Variants in CDH12 observed in about 807,000 individuals in gnomAD.
CDH12 encodes cadherin-12.
In CDH12, 41 loss-of-function variants were observed where a neutral mutation model predicts 74.1. The observed-to-expected ratio is 0.55, with a 90% CI of 0.43 to 0.72. CDH12 has a LOEUF of 0.72. CDH12 is among the 30% of genes least tolerant of loss of function. The pLI, the probability that CDH12 is intolerant of heterozygous loss-of-function variation, is 0.00. For synonymous variants in CDH12, 399 were observed against 355.0 expected, an observed-to-expected ratio of 1.12 and a Z score of -1.39; for missense variants, 945 against 977.2, an observed-to-expected ratio of 0.97 and a Z score of 0.44.
chr5:21,974,884 A>G (rs1261973024), intron 6 of CDH12, among the ~76,000 whole-genome samples: 1 of 152,218 alleles, frequency 6.6e-6, no homozygotes, highest in Non-Finnish European at 1.5e-5. Context: ...GGAAAACAGG[A>G]ACTAATGTTA....
chr5:22,771,835 G>A (rs1420766016), intron 1 of CDH12, among the ~76,000 whole-genome samples: 1 of 152,046 alleles, frequency 6.6e-6, no homozygotes, highest in East Asian at 1.9e-4. Context: ...CTGCCTGCTG[G>A]ACTACTCTGT....
intron 1 of CDH12, among the ~76,000 whole-genome samples, chr5:22,595,017 A>G (rs1284182061): frequency 2.6e-5 from 4 of 152,192 alleles, no homozygotes; most frequent in South Asian, 2.1e-4. Context: ...TCTTTTACAC[A>G]AACAGCTTTG....
intron 3 of CDH12, among the ~76,000 whole-genome samples, chr5:22,346,554 A>G (rs1298933961): frequency 6.6e-6 from 1 of 152,240 alleles, no homozygotes; most frequent in Admixed American, 6.5e-5. Context: ...ATTATATAAT[A>G]GATTCTAGGT....
intron 1 of CDH12, among the ~76,000 whole-genome samples, chr5:22,849,438 T>C (rs1411707436): frequency 6.6e-6 from 1 of 152,134 alleles, no homozygotes; most frequent in Non-Finnish European, 1.5e-5. Context: ...TATGGTGTAC[T>C]AAAGGTATAT....
chr5:22,502,125 C>A (rs1736183512), intron 2 of CDH12, among the ~76,000 whole-genome samples: 1 of 151,932 alleles, frequency 6.6e-6, no homozygotes, highest in African/African-American at 2.4e-5. Context: ...GGCTTGTGTC[C>A]CCATCCAAAT....
intron 11 of CDH12, among the ~76,000 whole-genome samples, chr5:21,772,134 A>T (rs1336350046): frequency 6.6e-6 from 1 of 152,154 alleles, no homozygotes; most frequent in Non-Finnish European, 1.5e-5. Context: ...TGGGCTTAGA[A>T]TTTTATTTTT....
chr5:22,651,877 C>G (rs1305526525), intron 1 of CDH12, among the ~76,000 whole-genome samples: 1 of 151,882 alleles, frequency 6.6e-6, no homozygotes, highest in Non-Finnish European at 1.5e-5. Context: ...TATAAAGGAG[C>G]AAATCTTTTC....
chr5:22,459,581 A>G (rs1330513209), intron 2 of CDH12, among the ~76,000 whole-genome samples: 2 of 152,226 alleles, frequency 1.3e-5, no homozygotes, highest in Non-Finnish European at 2.9e-5. Flanking sequence ...ATAGAAACAC[A>G]CTGACTTTGC....
chr5:22,323,605 T>TA (rs1182776990), intron 3 of CDH12, among the ~76,000 whole-genome samples: 1 of 152,186 alleles, frequency 6.6e-6, no homozygotes, highest in African/African-American at 2.4e-5. Context: ...TGGGCTTCTA[T>TA]ATGAAGAATC....
At chr5:22,339,724 T>C (rs935949802) in intron 3 of CDH12, among the ~76,000 whole-genome samples, 2 of 152,176 alleles carry the variant, frequency 1.3e-5, no homozygotes, top group Non-Finnish European at 2.9e-5. Flanking sequence ...CTGATTTTAA[T>C]GAACAATATT....
intron 2 of CDH12, among the ~76,000 whole-genome samples, chr5:22,452,539 T>A (rs1412921932): frequency 6.6e-6 from 1 of 151,902 alleles, no homozygotes; most frequent in Admixed American, 6.6e-5. Context: ...TGAAACTAGA[T>A]CTCTGTTTCT....
chr5:22,283,627 G>T (rs554486175), intron 3 of CDH12, among the ~76,000 whole-genome samples: 314 of 152,060 alleles, frequency 2.1e-3, no homozygotes, highest in African/African-American at 7.1e-3. Flanking sequence ...GGAGGAAAGA[G>T]AAATTTTTGT....
rs184340580 is a variant in CDH12 at position 21,954,454 on chromosome 5, A to G, written c.526+20637T>C. ...GTTGAATCATTATTCAGAAACAGAG[A>G]GCTAACTGTTATCCCATCCTGACTT... On this transcript the variant is annotated intron_variant, in intron 6 of 14. Coordinates refer to ENST00000382254, the MANE Select transcript of CDH12 (RefSeq NM_004061.5). 1.8e-3 allele frequency among the ~76,000 whole-genome samples: 270 copies of G among 152,242 alleles called. 3 individuals carry two copies. Among genetic ancestry groups the G allele is most frequent in the African/African-American group, 5.9e-3 (247 of 41,574 alleles).
chr5:22,644,542 C>T (rs1270172374), intron 1 of CDH12, among the ~76,000 whole-genome samples: 1 of 151,838 alleles, frequency 6.6e-6, no homozygotes, highest in African/African-American at 2.4e-5. Flanking sequence ...AAAAATGAAG[C>T]TAGCACAGGT....
intron 1 of CDH12, among the ~76,000 whole-genome samples, chr5:22,572,357 GAA>G (rs1339729241): frequency 2.0e-5 from 3 of 152,108 alleles, no homozygotes; most frequent in Non-Finnish European, 2.9e-5. Flanking sequence ...TCATTTGACA[GAA>G]ATTTACCAGC....
At chr5:22,173,710 C>T (rs1040391433) in intron 4 of CDH12, among the ~76,000 whole-genome samples, 2 of 151,752 alleles carry the variant, frequency 1.3e-5, no homozygotes, top group African/African-American at 4.8e-5. Flanking sequence ...AATTGTTACT[C>T]CTACCACATA....
At chr5:22,000,856 A>G (rs1259412306) in intron 5 of CDH12, among the ~76,000 whole-genome samples, 3 of 152,130 alleles carry the variant, frequency 2.0e-5, no homozygotes, top group African/African-American at 7.2e-5. Context: ...GCTCGAAAAA[A>G]AGCCTATCAT....
At chr5:21,832,762 AT>A (rs2149969354) in intron 8 of CDH12, among the ~76,000 whole-genome samples, 1 of 130,554 alleles carries the variant, frequency 7.7e-6, no homozygotes, top group South Asian at 2.2e-4. Context: ...TATCATATAT[AT>A]GATATATATT....
intron 5 of CDH12, among the ~76,000 whole-genome samples, chr5:21,987,393 T>C (rs1426400840): frequency 6.6e-6 from 1 of 152,180 alleles, no homozygotes; most frequent in African/African-American, 2.4e-5. Context: ...AAATGACCTA[T>C]GAATCAAGCA....
Sources: allele counts gnomAD v4.1 joint callset (sites outside exome capture counted in the v4.1 genomes callset), GRCh38; gene constraint gnomAD v4.1.1; transcripts MANE v1.5; gene names NCBI Gene and HGNC (gene_info 2026-07-23, HGNC 2026-07-21).